Variants in CHCHD3 observed in about 807,000 individuals in gnomAD.
The protein encoded by CHCHD3 is coiled-coil-helix-coiled-coil-helix domain containing 3, also known as MICOS complex subunit MIC19.
In CHCHD3, 20 loss-of-function variants were observed where a neutral mutation model predicts 38.2. The ratio of observed to expected loss-of-function variants is 0.52; its 90% CI spans 0.37 to 0.76. The LOEUF (loss-of-function observed/expected upper bound fraction) is 0.76. Ranked by LOEUF, CHCHD3 falls within the 30% of genes least tolerant of loss-of-function variation. CHCHD3 has a pLI of 0.00. For synonymous variants in CHCHD3, 82 were observed against 100.0 expected, an observed-to-expected ratio of 0.82 and a Z score of 1.07; for missense variants, 245 against 279.2, an observed-to-expected ratio of 0.88 and a Z score of 0.87.
At chr7:133,000,236 A>C (rs545675529) in intron 3 of CHCHD3, among the ~76,000 whole-genome samples, 1 of 152,280 alleles carries the variant, frequency 6.6e-6, no homozygotes, top group South Asian at 2.1e-4. Flanking sequence ...TTGATGCTAC[A>C]ATTTCAATGA....
intron 3 of CHCHD3, chr7:133,022,379 T>G (rs773222758): frequency 8.3e-5 from 38 of 456,456 alleles, no homozygotes; most frequent in South Asian, 5.9e-4. Context: ...TGCCTATAAA[T>G]CTCGATTCAA....
At chr7:132,895,898 C>T (rs146212718) in intron 4 of CHCHD3, among the ~76,000 whole-genome samples, 125 of 152,324 alleles carry the variant, frequency 8.2e-4, no homozygotes, top group Non-Finnish European at 1.4e-3. Flanking sequence ...ATACAAAAAG[C>T]CTCATCTGTC....
At chr7:132,985,269 C>T (rs1275876381) in intron 3 of CHCHD3, among the ~76,000 whole-genome samples, 7 of 74,812 alleles carry the variant, frequency 9.4e-5, no homozygotes, top group African/African-American at 1.5e-4. Flanking sequence ...GCCCCCCGCC[C>T]GGCCAGCCGC....
At chr7:133,047,713 T>C (rs878957093) in intron 2 of CHCHD3, among the ~76,000 whole-genome samples, 4 of 152,034 alleles carry the variant, frequency 2.6e-5, no homozygotes, top group African/African-American at 4.8e-5. Flanking sequence ...TCCTCAGAGA[T>C]TGGAGGTAAA....
intron 1 of CHCHD3, among the ~76,000 whole-genome samples, chr7:133,077,944 T>A (rs918984605): frequency 5.3e-5 from 8 of 152,340 alleles, no homozygotes; most frequent in African/African-American, 1.7e-4. Context: ...GAAGAAATTT[T>A]AAACTTAAAA....
intron 2 of CHCHD3, among the ~76,000 whole-genome samples, chr7:133,041,907 T>C (rs1813845603): frequency 6.6e-6 from 1 of 152,254 alleles, no homozygotes; most frequent in South Asian, 2.1e-4. Context: ...GATACGCTAA[T>C]AGTCCTATGA....
intron 1 of CHCHD3, among the ~76,000 whole-genome samples, chr7:133,080,643 T>C (rs1815146808): frequency 6.6e-6 from 1 of 152,356 alleles, no homozygotes; most frequent in East Asian, 1.9e-4. Flanking sequence ...ACTCAAAGAA[T>C]ACAGCCTCAG....
chr7:132,825,802 T>C (rs1807493570), intron 6 of CHCHD3, among the ~76,000 whole-genome samples: 1 of 152,214 alleles, frequency 6.6e-6, no homozygotes, highest in Admixed American at 6.5e-5. Context: ...ATTGACCTCC[T>C]GCCCACAGCT....
intron 3 of CHCHD3, among the ~76,000 whole-genome samples, chr7:133,008,431 A>G (rs911971331): frequency 1.3e-5 from 2 of 151,852 alleles, no homozygotes; most frequent in African/African-American, 2.4e-5. Context: ...AAAAGAAAAA[A>G]AAAAAAGAAA....
At chr7:132,824,314 C>T (rs77924516) in intron 6 of CHCHD3, among the ~76,000 whole-genome samples, 17 of 90,126 alleles carry the variant, frequency 1.9e-4, no homozygotes, top group Admixed American at 4.6e-4. Context: ...TAGTAGAACT[C>T]TTTTTTTTTT....
At chr7:132,816,497 T>C (rs1054322593) in intron 6 of CHCHD3, among the ~76,000 whole-genome samples, 1 of 152,228 alleles carries the variant, frequency 6.6e-6, no homozygotes, top group Non-Finnish European at 1.5e-5. Context: ...ATTAACCCAC[T>C]GGCTCATTTG....
intron 3 of CHCHD3, among the ~76,000 whole-genome samples, chr7:132,993,014 C>T (rs1007421209): frequency 2.0e-5 from 3 of 152,180 alleles, no homozygotes; most frequent in African/African-American, 7.2e-5. Flanking sequence ...TTTTAGGTGT[C>T]ATTCCATCTT....
rs182421242 is a variant in CHCHD3, at chr7:132,874,500, G to A, written c.453+11162C>T. Reference sequence around the variant, plus strand: ...AGCACCATATCTTGGCAACACTTGCGGGAAGATTTGTAGAGATCCACAGGA... The same window carrying A: ...AGCACCATATCTTGGCAACACTTGCAGGAAGATTTGTAGAGATCCACAGGA... On this transcript the variant is annotated intron_variant, in intron 5 of 7. Coordinates refer to ENST00000262570, the MANE Select transcript of CHCHD3 (RefSeq NM_017812.4). Among the ~76,000 whole-genome samples, 303 of 152,212 alleles carry A rather than the reference G, an allele frequency of 2.0e-3. 1 individual carries two copies. Among genetic ancestry groups the A allele is most frequent in the Middle Eastern group, 0.017 (5 of 294 alleles).
intron 1 of CHCHD3, among the ~76,000 whole-genome samples, chr7:133,079,222 C>G (rs1174654650): frequency 6.6e-6 from 1 of 152,306 alleles, no homozygotes; most frequent in South Asian, 2.1e-4. Flanking sequence ...TTCTTTTGAA[C>G]AGCTCTAATA....
intron 5 of CHCHD3, among the ~76,000 whole-genome samples, chr7:132,858,986 C>T (rs1250294220): frequency 6.6e-6 from 1 of 152,140 alleles, no homozygotes; most frequent in African/African-American, 2.4e-5. Flanking sequence ...TTGTCTGTGG[C>T]ACTGCCAGGG....
chr7:132,808,140 T>C (rs1355475156), intron 6 of CHCHD3, among the ~76,000 whole-genome samples: 1 of 152,186 alleles, frequency 6.6e-6, no homozygotes, highest in Non-Finnish European at 1.5e-5. Context: ...ACCCTTCTGA[T>C]TTAGTATCTC....
At chr7:132,929,190 T>C (rs1810459843) in intron 4 of CHCHD3, among the ~76,000 whole-genome samples, 1 of 152,214 alleles carries the variant, frequency 6.6e-6, no homozygotes, top group African/African-American at 2.4e-5. Context: ...CTATTTTTTA[T>C]TATGTATGTT....
At chr7:133,061,465 A>G (rs1814509951) in intron 2 of CHCHD3, among the ~76,000 whole-genome samples, 1 of 137,340 alleles carries the variant, frequency 7.3e-6, no homozygotes, top group South Asian at 2.5e-4. Flanking sequence ...GGTGTGGACA[A>G]GCAAAAAAAA....
intron 2 of CHCHD3, among the ~76,000 whole-genome samples, chr7:133,053,690 G>GA (rs1174772892): frequency 1.3e-5 from 2 of 152,140 alleles, no homozygotes; most frequent in Non-Finnish European, 1.5e-5. Flanking sequence ...ATATGAAAAA[G>GA]AAAAATGCAT....
Sources: gnomAD v4.1 joint callset for allele counts (sites outside exome capture counted in the v4.1 genomes callset) on GRCh38, gnomAD v4.1.1 for gene constraint, MANE v1.5 for transcripts, NCBI Gene and HGNC (gene_info 2026-07-23, HGNC 2026-07-21) for gene names.